CEP43: variants seen among roughly 807,000 people sequenced by gnomAD.
CEP43 encodes the protein FGFR1 oncogene partner.
A neutral mutation model predicts 52.6 loss-of-function variants in CEP43; 36 were observed. The observed-to-expected ratio is 0.68, with a 90% confidence interval of 0.52 to 0.90. CEP43 has a LOEUF of 0.90. Ranked by LOEUF, CEP43 falls within the 40% of genes least tolerant of loss-of-function variation. The pLI, the probability that CEP43 is intolerant of heterozygous loss-of-function variation, is 0.00. For synonymous variants in CEP43, 192 were observed against 172.4 expected (o/e 1.11, Z -0.89); for missense variants, 506 against 472.8 (o/e 1.07, Z -0.65).
In CEP43 at chr6:167,040,553, A is replaced by G; in HGVS notation, c.*575A>G. 9.2e-7 allele frequency: 1 copy of G among 1,089,888 alleles called. No homozygotes were observed. Among genetic ancestry groups the G allele is most frequent in the Non-Finnish European group, 1.1e-6 (1 of 892,026 alleles). 67.5% of individuals were successfully genotyped at this position (1,089,888 alleles called of 1,614,324 possible). ...GAAGGTTTGTTAGACCATTAAGGTT[A>G]TATTAAAGTACTCTTGTGTGTGCTA... On this transcript the variant is annotated 3_prime_UTR_variant, in exon 13 of 13. Transcript: ENST00000366847.
At chr6:167,023,337 G>A (rs992352663) in intron 8 of CEP43, among the ~76,000 whole-genome samples, 9 of 152,162 alleles carry the variant, frequency 5.9e-5, no homozygotes, top group African/African-American at 1.9e-4. Flanking sequence ...TTAGGAGGCC[G>A]TTAATGATGG....
At chr6:167,005,861 A>C (rs1365984674) in intron 5 of CEP43, among the ~76,000 whole-genome samples, 1 of 151,408 alleles carries the variant, frequency 6.6e-6, no homozygotes, top group Non-Finnish European at 1.5e-5. Context: ...CTGCCCTTTC[A>C]TTTTCTTTTC....
At chr6:167,012,841 GCCGTCATC>G (rs1437124076) in intron 6 of CEP43, among the ~76,000 whole-genome samples, 1 of 152,160 alleles carries the variant, frequency 6.6e-6, no homozygotes. Flanking sequence ...AGCTGTCTCT[GCCGTCATC>G]CCGTTATTCT....
rs140546310 is a variant in CEP43, at chr6:167,048,807, G to A, written c.*8829G>A. 6.6e-6 allele frequency: 1 copy of A among 152,290 alleles called. No homozygotes were observed. The highest frequency in any genetic ancestry group is 1.5e-5 in the Non-Finnish European group (1 of 68,034). 9.4% of individuals were successfully genotyped at this position (152,290 alleles called of 1,614,324 possible). A position where few individuals can be genotyped will look rare whatever the true frequency, so the allele number is the denominator to read the frequency against. ...TTGGTTAATGAATGTCATTGAAAGA[G>A]CATGTACATCACTAAATGTTCTTAG... On this transcript the variant is annotated 3_prime_UTR_variant, in exon 13 of 13. Coordinates refer to ENST00000366847, the MANE Select transcript of CEP43 (RefSeq NM_007045.4).
intron 7 of CEP43, among the ~76,000 whole-genome samples, chr6:167,019,719 A>G (rs1317050819): frequency 6.6e-6 from 1 of 152,144 alleles, no homozygotes; most frequent in African/African-American, 2.4e-5. Context: ...TCTTCCTAAA[A>G]CTGGTCTTTC....
At chr6:167,014,385 ATCC>A (rs1398702637) in intron 7 of CEP43, among the ~76,000 whole-genome samples, 1 of 152,148 alleles carries the variant, frequency 6.6e-6, no homozygotes, top group Non-Finnish European at 1.5e-5. Flanking sequence ...CTGCTTTTTC[ATCC>A]TCTCCTAAAG....
chr6:167,024,728 G>C, intron 8 of CEP43, 54 bp from the exon 9 acceptor site: 1 of 1,189,626 alleles, frequency 8.4e-7, no homozygotes, highest in South Asian at 1.3e-5. Context: ...CAGAATAAAA[G>C]TGTTTAGTGG....
intron 7 of CEP43, among the ~76,000 whole-genome samples, chr6:167,018,595 T>TA (rs1338747055): frequency 1.3e-5 from 2 of 152,160 alleles, no homozygotes; most frequent in Non-Finnish European, 2.9e-5. Flanking sequence ...TCCACTATGT[T>TA]GGCCAGGATG....
At position 166,999,500 on chromosome 6, in the gene CEP43, C is replaced by T. The variant is rs1779674536; in HGVS notation, c.88C>T (p.Leu30=). The T allele has an allele frequency of 6.8e-7, 1 of 1,461,636 alleles. No homozygotes were observed. The highest frequency in any genetic ancestry group is 1.4e-5 in the South Asian group (1 of 72,944). The allele number at this position is 1,461,636 out of a possible 1,614,324, so 90.5% of individuals were successfully genotyped here. Residue 30 remains leucine, a synonymous_variant, in exon 1 of 13, where the codon CTG becomes TTG. Transcript: ENST00000366847. ...GCAGACGCTGGAGAACAGCGGGGTC[C>T]TGAACCGCATCAAGGTGAGGCCGGA... The part of the protein sequence containing the change: ...LVQTLENSGV[L]NRIKAELRAA...
chr6:167,033,068 A>T (rs1471112729), intron 11 of CEP43, among the ~76,000 whole-genome samples: 3 of 136,600 alleles, frequency 2.2e-5, no homozygotes, highest in African/African-American at 5.4e-5. Context: ...ATATGTGGAT[A>T]TGTGGTCTGC....
chr6:167,040,674 T>C lies in CEP43; in HGVS notation c.*696T>C. ...TAACATTTGCAATCGTCATTCCTCC[T>C]GTTATCCATGTAAGCAGCTTTAGTC... is the stretch of plus-strand genomic sequence containing the variant. On this transcript the variant is annotated 3_prime_UTR_variant, in exon 13 of 13. Coordinates refer to ENST00000366847, the MANE Select transcript of CEP43 (RefSeq NM_007045.4). 4 of 1,022,762 alleles carry C rather than the reference T, an allele frequency of 3.9e-6. No individual in the cohort carries two copies. The highest frequency in any genetic ancestry group is 4.7e-6 in the Non-Finnish European group (4 of 850,044). The allele number at this position is 1,022,762 out of a possible 1,614,324, so 63.4% of individuals were successfully genotyped here.
intron 7 of CEP43, 145 bp downstream of exon 7, chr6:167,013,712 G>A (rs576350331): frequency 6.2e-5 from 39 of 631,542 alleles, no homozygotes; most frequent in African/African-American, 5.4e-4. Flanking sequence ...GGTGGCTCAC[G>A]CCTGTAATCC....
At chr6:167,022,714 A>G (rs1198685725) in intron 8 of CEP43, 79 bp downstream of exon 8, 26 of 927,620 alleles carry the variant, frequency 2.8e-5, no homozygotes, top group Non-Finnish European at 3.8e-5. Flanking sequence ...TTAAAAAATA[A>G]TGAACTATGG....
In CEP43 at chr6:167,040,054, A is replaced by G. The variant is rs745357181; in HGVS notation, c.*76A>G. On this transcript the variant is annotated 3_prime_UTR_variant, in exon 13 of 13. Transcript: ENST00000366847. ...CCATTTTTTTTTTTTCCAGACAATC[A>G]CTCAGCTGGAATGTCTGCTCTCTAT... 1 of 1,609,922 alleles carries G rather than the reference A, an allele frequency of 6.2e-7. No individual in the cohort carries two copies. Among genetic ancestry groups the G allele is most frequent in the Non-Finnish European group, 8.5e-7 (1 of 1,177,912 alleles).
Position 167,050,613 on chromosome 6 carries a change from C to T in CEP43, c.*10635C>T, listed in dbSNP as rs992541824. The T allele has an allele frequency of 6.6e-6, 1 of 150,884 alleles. No individual in the cohort carries two copies. The highest frequency in any genetic ancestry group is 2.5e-5 in the African/African-American group (1 of 40,482). 9.3% of individuals were successfully genotyped at this position (150,884 alleles called of 1,614,324 possible). ...CTAACATGGAGAACTCCTGTCTCTA[C>T]TAAAAATACAAAAATTAGTCAGGTG... On this transcript the variant is annotated 3_prime_UTR_variant, in exon 13 of 13. Transcript: ENST00000366847.
In CEP43 at chr6:167,050,774, C is replaced by CGAAAA. The variant is rs199893388; in HGVS notation, c.*10796_*10797insGAAAA. ...CCAGTCTGGGTGACAGAGTGAGACT[C>CGAAAA]AAAAAAGAAAAAAAAAAAAAAAAAA... is the stretch of plus-strand genomic sequence containing the variant. On this transcript the variant is annotated 3_prime_UTR_variant, in exon 13 of 13. Coordinates refer to ENST00000366847, the MANE Select transcript of CEP43 (RefSeq NM_007045.4). 7 of 41,138 alleles carry CGAAAA rather than the reference C, an allele frequency of 1.7e-4. No homozygotes were observed. Among genetic ancestry groups the CGAAAA allele is most frequent in the African/African-American group, 7.7e-4 (7 of 9,050 alleles). The allele number at this position is 41,138 out of a possible 1,614,324, so 2.5% of individuals were successfully genotyped here. A position where few individuals can be genotyped will look rare whatever the true frequency, so the allele number is the denominator to read the frequency against.
At chr6:167,026,700 C>G in intron 10 of CEP43, 85 bp downstream of exon 10, 1 of 786,236 alleles carries the variant, frequency 1.3e-6, no homozygotes, top group South Asian at 1.6e-5. Context: ...CTCCGTCTGC[C>G]TACGCTGAGC....
At chr6:167,011,973 C>T (rs1454880697) in intron 6 of CEP43, among the ~76,000 whole-genome samples, 2 of 152,216 alleles carry the variant, frequency 1.3e-5, no homozygotes, top group South Asian at 2.1e-4. Flanking sequence ...CATGACAGGT[C>T]GGGTTTGTAT....
rs1780028309 is a variant in CEP43, at chr6:167,013,499, C to T, written c.520-9C>T. 3 of 1,608,640 alleles carry T rather than the reference C, an allele frequency of 1.9e-6. No individual in the cohort carries two copies. The highest frequency in any genetic ancestry group is 2.6e-6 in the Non-Finnish European group (3 of 1,176,082). On this transcript the variant is annotated splice_polypyrimidine_tract_variant and intron_variant, in intron 6 of 12. Transcript: ENST00000366847. ...TTGTGGTAAAATCTCATTTTATTCT[C>T]ATGCTCAGATACCAAGGTATAAAGG...
Sources: allele counts gnomAD v4.1 joint callset (sites outside exome capture counted in the v4.1 genomes callset), GRCh38; gene constraint gnomAD v4.1.1; transcripts MANE v1.5; gene names NCBI Gene and HGNC (gene_info 2026-07-23, HGNC 2026-07-21).